Variants in MIPOL1 observed in about 807,000 individuals in gnomAD.
MIPOL1 encodes mirror-image polydactyly 1, also known as mirror-image polydactyly gene 1 protein.
MIPOL1 carries 57 observed loss-of-function variants against 60.9 expected under a neutral mutation model. The ratio of observed to expected loss-of-function variants is 0.94; its 90% CI spans 0.76 to 1.17. The LOEUF is 1.17. MIPOL1 is among the 50% of genes most tolerant of loss of function. The pLI, the probability that MIPOL1 is intolerant of heterozygous loss-of-function variation, is 0.00. For synonymous variants in MIPOL1, 179 were observed against 168.8 expected (o/e 1.06, Z -0.47); for missense variants, 551 against 511.6 (o/e 1.08, Z -0.74).
chr14:37,392,369 T>C (rs1485422110), intron 10 of MIPOL1, among the ~76,000 whole-genome samples: 1 of 152,218 alleles, frequency 6.6e-6, no homozygotes, highest in Non-Finnish European at 1.5e-5. Flanking sequence ...CTTTCCAGTT[T>C]TACATTAATA....
At chr14:37,531,981 G>C (rs931170732) in intron 12 of MIPOL1, among the ~76,000 whole-genome samples, 4 of 152,034 alleles carry the variant, frequency 2.6e-5, no homozygotes, top group African/African-American at 4.8e-5. Context: ...TGTTCAAAAG[G>C]AGAGGAAGAG....
intron 11 of MIPOL1, among the ~76,000 whole-genome samples, chr14:37,454,464 G>T (rs1252309212): frequency 1.3e-5 from 2 of 152,188 alleles, no homozygotes; most frequent in Non-Finnish European, 2.9e-5. Context: ...TAACAGCTGT[G>T]TGAAATAAGC....
chr14:37,455,098 G>A (rs2094462818), intron 11 of MIPOL1, among the ~76,000 whole-genome samples: 1 of 152,000 alleles, frequency 6.6e-6, no homozygotes, highest in African/African-American at 2.4e-5. Flanking sequence ...CTATCTGCTG[G>A]ACATTTTCAG....
intron 3 of MIPOL1, among the ~76,000 whole-genome samples, chr14:37,255,722 ATGAT>A (rs1974814845): frequency 6.6e-6 from 1 of 151,858 alleles, no homozygotes; most frequent in Admixed American, 6.6e-5. Context: ...TATAGTGTAA[ATGAT>A]TGAATTAAAA....
chr14:37,543,603 T>G (rs532054998), intron 12 of MIPOL1, among the ~76,000 whole-genome samples: 27 of 152,278 alleles, frequency 1.8e-4, no homozygotes, highest in African/African-American at 6.0e-4. Flanking sequence ...TGGGGTAAAA[T>G]GTCATAACAT....
chr14:37,443,135 A>G (rs2094276542), intron 11 of MIPOL1, among the ~76,000 whole-genome samples: 1 of 152,204 alleles, frequency 6.6e-6, no homozygotes, highest in Admixed American at 6.5e-5. Flanking sequence ...CTTGAAATTT[A>G]GTAGAATTGG....
chr14:37,405,724 G>GT (rs2093574403), intron 10 of MIPOL1, among the ~76,000 whole-genome samples: 1 of 151,118 alleles, frequency 6.6e-6, no homozygotes, highest in Non-Finnish European at 1.5e-5. Flanking sequence ...AACTGTTTCA[G>GT]TAAAAAAAAA....
intron 9 of MIPOL1, among the ~76,000 whole-genome samples, chr14:37,351,064 CCA>C (rs2091324636): frequency 8.8e-6 from 1 of 113,456 alleles, no homozygotes; most frequent in African/African-American, 3.3e-5. Context: ...CCCCCTCCCC[CCA>C]CCCCACAACG....
intron 11 of MIPOL1, among the ~76,000 whole-genome samples, chr14:37,499,310 T>C (rs1376199582): frequency 6.6e-6 from 1 of 152,166 alleles, no homozygotes; most frequent in Non-Finnish European, 1.5e-5. Context: ...AGTAGATGTA[T>C]TCGTTAAGAG....
At chr14:37,369,867 A>G (rs2092591414) in intron 10 of MIPOL1, 1 of 231,112 alleles carries the variant, frequency 4.3e-6, no homozygotes, top group African/African-American at 2.3e-5. Context: ...AACTTTTGGT[A>G]AATGTTTATT....
chr14:37,262,334 GA>G (rs1255926201), intron 3 of MIPOL1, among the ~76,000 whole-genome samples: 8 of 151,704 alleles, frequency 5.3e-5, no homozygotes, highest in Non-Finnish European at 7.4e-5. Flanking sequence ...TTTGCCCATT[GA>G]AAAAAGACAT....
At chr14:37,262,062 T>C (rs1292431779) in intron 3 of MIPOL1, among the ~76,000 whole-genome samples, 1 of 152,026 alleles carries the variant, frequency 6.6e-6, no homozygotes, top group Non-Finnish European at 1.5e-5. Context: ...ACACATATAA[T>C]ATACATCTGT....
At chr14:37,485,310 T>C (rs2094930516) in intron 11 of MIPOL1, among the ~76,000 whole-genome samples, 1 of 152,230 alleles carries the variant, frequency 6.6e-6, no homozygotes, top group Non-Finnish European at 1.5e-5. Flanking sequence ...CATGTGTCTT[T>C]ATACTGGAAT....
At chr14:37,365,352 T>C (rs1355296476) in intron 9 of MIPOL1, among the ~76,000 whole-genome samples, 1 of 152,188 alleles carries the variant, frequency 6.6e-6, no homozygotes, top group African/African-American at 2.4e-5. Context: ...GTCTCTCATA[T>C]GTGGCTTTTA....
At chr14:37,388,849 C>T (rs138643000) in intron 10 of MIPOL1, among the ~76,000 whole-genome samples, 202 of 152,120 alleles carry the variant, frequency 1.3e-3, no homozygotes, top group African/African-American at 4.5e-3. Context: ...CAAATTCTTG[C>T]GTAGGACCCC....
chr14:37,214,496 G>C (rs577358999), intron 1 of MIPOL1, among the ~76,000 whole-genome samples: 1 of 152,160 alleles, frequency 6.6e-6, no homozygotes, highest in South Asian at 2.1e-4. Context: ...GACACGAGCT[G>C]TTCCAGTATA....
At chr14:37,325,404 C>G (rs1245627977) in intron 9 of MIPOL1, among the ~76,000 whole-genome samples, 1 of 151,966 alleles carries the variant, frequency 6.6e-6, no homozygotes, top group Non-Finnish European at 1.5e-5. Context: ...CACTTTATTT[C>G]TTTATGTAGG....
intron 9 of MIPOL1, among the ~76,000 whole-genome samples, chr14:37,313,006 A>C (rs1215420387): frequency 1.1e-4 from 17 of 152,192 alleles, no homozygotes; most frequent in Non-Finnish European, 2.4e-4. Context: ...GTAGGACCTT[A>C]GGAGCCATCT....
At chr14:37,294,272 C>T (rs2085396901) in intron 7 of MIPOL1, among the ~76,000 whole-genome samples, 1 of 152,154 alleles carries the variant, frequency 6.6e-6, no homozygotes, top group South Asian at 2.1e-4. Context: ...GGAAAACTAA[C>T]AAACAGAAAG....
Sources: allele counts gnomAD v4.1 joint callset (sites outside exome capture counted in the v4.1 genomes callset), GRCh38; gene constraint gnomAD v4.1.1; transcripts MANE v1.5; gene names NCBI Gene and HGNC (gene_info 2026-07-23, HGNC 2026-07-21).